Variants in NFIL3 observed in about 807,000 individuals in gnomAD.
NFIL3 encodes the protein nuclear factor interleukin-3-regulated protein.
NFIL3 carries 5 observed loss-of-function variants against 10.0 expected under a neutral mutation model. That is an observed-to-expected ratio of 0.50 (90% CI 0.26 to 1.06). The LOEUF is 1.06. Ranked by LOEUF, NFIL3 falls within the 50% of genes least tolerant of loss-of-function variation. NFIL3 has a pLI of 0.13. For synonymous variants in NFIL3, 202 were observed against 206.5 expected (o/e 0.98, Z 0.19); for missense variants, 436 against 547.6 (o/e 0.80, Z 2.03).
chr9:91,420,147 C>G (rs1435767795), intron 1 of NFIL3, among the ~76,000 whole-genome samples: 2 of 152,150 alleles, frequency 1.3e-5, no homozygotes, highest in East Asian at 3.9e-4. Flanking sequence ...AACATTAACC[C>G]AATGACTTGG....
At chr9:91,424,995 C>T (rs1362642869), upstream of NFIL3, among the ~76,000 whole-genome samples, 4 of 152,300 alleles carry the variant, frequency 2.6e-5, no homozygotes, top group African/African-American at 9.6e-5. Context: ...TGGCACACTC[C>T]CTGCGTTTAC....
At chr9:91,480,505 C>T in the NFIL3 span, among the ~76,000 whole-genome samples, 1 of 152,040 alleles carries the variant, frequency 6.6e-6, no homozygotes, top group Non-Finnish European at 1.5e-5. Flanking sequence ...ATGTTAAATT[C>T]CTACCTCACA....
chr9:91,454,177 C>T, the NFIL3 span, among the ~76,000 whole-genome samples: 6 of 147,416 alleles, frequency 4.1e-5, no homozygotes, highest in Non-Finnish European at 3.0e-5. Context: ...GAGGTTGCAG[C>T]GAGCCAAGAT....
At chr9:91,451,890 C>G in the NFIL3 span, among the ~76,000 whole-genome samples, 1 of 152,176 alleles carries the variant, frequency 6.6e-6, no homozygotes, top group African/African-American at 2.4e-5. Flanking sequence ...ATCTGAGAAA[C>G]AGTAATAGTC....
chr9:91,452,526 G>A, the NFIL3 span, among the ~76,000 whole-genome samples: 4 of 152,126 alleles, frequency 2.6e-5, no homozygotes, highest in East Asian at 7.7e-4. Context: ...TGTAATCCCT[G>A]CACTTTGGGA....
At chr9:91,426,057 A>G (rs1380475567), upstream of NFIL3, among the ~76,000 whole-genome samples, 1 of 152,222 alleles carries the variant, frequency 6.6e-6, no homozygotes. Context: ...CCTTCAAGAC[A>G]GGTAAAGAAC....
the NFIL3 span, among the ~76,000 whole-genome samples, chr9:91,447,112 G>A: frequency 9.9e-5 from 15 of 152,112 alleles, no homozygotes; most frequent in Admixed American, 2.0e-4. Context: ...CACTGCGCCC[G>A]GCCCTGATGT....
chr9:91,476,646 C>T, the NFIL3 span, among the ~76,000 whole-genome samples: 12 of 151,008 alleles, frequency 7.9e-5, no homozygotes, highest in Non-Finnish European at 1.5e-4. Flanking sequence ...AGTCTATGAA[C>T]GCAATTCACT....
the NFIL3 span, among the ~76,000 whole-genome samples, chr9:91,459,696 C>A: frequency 6.6e-6 from 1 of 152,050 alleles, no homozygotes; most frequent in Non-Finnish European, 1.5e-5. Flanking sequence ...AAACAAAAAA[C>A]AAACAAATAA....
At chr9:91,411,852 C>T (rs527813431) in intron 1 of NFIL3, among the ~76,000 whole-genome samples, 32 of 152,050 alleles carry the variant, frequency 2.1e-4, no homozygotes, top group Middle Eastern at 3.4e-3. Context: ...CTTGTAATCC[C>T]AGCACTTTGG....
chr9:91,448,117 G>A, the NFIL3 span, among the ~76,000 whole-genome samples: 1 of 152,056 alleles, frequency 6.6e-6, no homozygotes, highest in African/African-American at 2.4e-5. Context: ...CTTGTCAAAT[G>A]TCTTTTTTTT....
At chr9:91,432,350 CCTCTT>C in the NFIL3 span, among the ~76,000 whole-genome samples, 1 of 152,156 alleles carries the variant, frequency 6.6e-6, no homozygotes, top group South Asian at 2.1e-4. Flanking sequence ...TTCTCTGTCT[CCTCTT>C]CTTTTCCTCC....
the NFIL3 span, among the ~76,000 whole-genome samples, chr9:91,477,591 A>G: frequency 1.3e-5 from 2 of 152,216 alleles, no homozygotes; most frequent in South Asian, 4.1e-4. Flanking sequence ...ACCAGATACA[A>G]GATCAAAATG....
At chr9:91,468,071 C>G in the NFIL3 span, among the ~76,000 whole-genome samples, 1 of 152,172 alleles carries the variant, frequency 6.6e-6, no homozygotes, top group Non-Finnish European at 1.5e-5. Flanking sequence ...ATGGCTGGGT[C>G]AAATGGTATT....
the NFIL3 span, among the ~76,000 whole-genome samples, chr9:91,470,553 CT>C: frequency 2.0e-5 from 3 of 151,766 alleles, no homozygotes; most frequent in Non-Finnish European, 4.4e-5. Context: ...TATTTCTTGC[CT>C]TCTGCTAGCT....
rs1323963477 is a variant in NFIL3 at position 91,410,161 on chromosome 9, C to T, written c.574G>A (p.Glu192Lys). The change falls in exon 2 of 2, where the codon GAA (glutamate) becomes AAA (lysine). Residue 192 changes from glutamate to lysine, a missense_variant. Around this residue, in one of 3 missense-constraint regions of NFIL3, gnomAD observed 338 missense variants for 399.9 expected, o/e 0.85. Coordinates refer to ENST00000297689, the MANE Select transcript of NFIL3 (RefSeq NM_005384.3). This position sits in a 1 kb window ranked among gnomAD's most constrained non-coding sequence, Gnocchi z 5.7. ...TGCGTGTGTTCTACTGAGGACACTT[C>T]TGAAACATCGGACAGCGAGCTTTGT... ...SPQSSLSDVS[E>K]VSSVEHTQES... 1.2e-6 allele frequency: 2 copies of T among 1,614,008 alleles called. No individual in the cohort carries two copies. The highest frequency in any genetic ancestry group is 2.7e-5 in the African/African-American group (2 of 74,896).
chr9:91,451,388 C>G, the NFIL3 span, among the ~76,000 whole-genome samples: 44 of 152,296 alleles, frequency 2.9e-4, 1 homozygote, highest in African/African-American at 1.0e-3. Flanking sequence ...AAGAATTATA[C>G]CCTTCCATGT....
At chr9:91,421,023 T>A (rs116077054) in intron 1 of NFIL3, among the ~76,000 whole-genome samples, 4,849 of 151,680 alleles carry the variant, frequency 0.032, 88 homozygotes, top group Middle Eastern at 0.071. Flanking sequence ...CGTTTGGAGG[T>A]TTTTCTTAAG....
At chr9:91,436,710 C>T in the NFIL3 span, among the ~76,000 whole-genome samples, 1 of 152,188 alleles carries the variant, frequency 6.6e-6, no homozygotes, top group Admixed American at 6.5e-5. Flanking sequence ...TACCAAGAGT[C>T]TGGGAAAATT....
Sources: allele counts gnomAD v4.1 joint callset (sites outside exome capture counted in the v4.1 genomes callset), GRCh38; gene constraint gnomAD v4.1.1; regional missense constraint gnomAD v4.1.1; non-coding constraint Gnocchi (gnomAD v3.1); transcripts MANE v1.5; gene names NCBI Gene and HGNC (gene_info 2026-07-23, HGNC 2026-07-21).